Variants in FBLN7 observed in about 807,000 individuals in gnomAD.
FBLN7 encodes the protein fibulin 7.
FBLN7 carries 31 observed loss-of-function variants against 44.0 expected under a neutral mutation model. The ratio of observed to expected loss-of-function variants is 0.70; its 90% CI spans 0.53 to 0.95. FBLN7 has a LOEUF of 0.95. Ranked by LOEUF, FBLN7 falls within the 40% of genes least tolerant of loss-of-function variation. The probability of loss-of-function intolerance (pLI) is 0.00; values close to 1 mark genes in which losing one functional copy is unlikely to be tolerated. For missense variants in FBLN7, 573 were observed against 618.5 expected, an observed-to-expected ratio of 0.93 and a Z score of 0.78; for synonymous variants, 262 against 253.4, an observed-to-expected ratio of 1.03 and a Z score of -0.32.
chr2:112,194,277 A>C, the FBLN7 span, among the ~76,000 whole-genome samples: 1 of 152,206 alleles, frequency 6.6e-6, no homozygotes, highest in African/African-American at 2.4e-5. Flanking sequence ...AAACACTTAG[A>C]GATTTTCATA....
chr2:112,218,427 T>A, the FBLN7 span, among the ~76,000 whole-genome samples: 17 of 152,316 alleles, frequency 1.1e-4, no homozygotes, highest in African/African-American at 3.8e-4. Context: ...TATTTTATCA[T>A]GTTAAAAAAG....
chr2:112,150,497 C>G (rs1573769640), intron 1 of FBLN7, among the ~76,000 whole-genome samples: 1 of 152,286 alleles, frequency 6.6e-6, no homozygotes, highest in East Asian at 1.9e-4. Context: ...TAGGCCTTTT[C>G]TCTGATTGCA....
At position 112,187,741 on chromosome 2, in the gene FBLN7, G is replaced by T; in HGVS notation, c.*235G>T. On this transcript the variant is annotated 3_prime_UTR_variant, in exon 8 of 8. Transcript: ENST00000331203. The surrounding 1 kb of genome is among the most constrained non-coding windows in gnomAD (Gnocchi z 5.1). ...TTTCTGCTTTGAGGCCCTTCCCTTA[G>T]ATTATGCACTAACTTTCTTAAAACT... 1 of 559,634 alleles carries T rather than the reference G, an allele frequency of 1.8e-6. No individual in the cohort carries two copies. The highest frequency in any genetic ancestry group is 2.9e-5 in the East Asian group (1 of 34,078). 34.7% of individuals were successfully genotyped at this position (559,634 alleles called of 1,614,324 possible).
chr2:112,161,139 C>T (rs1448820409), intron 2 of FBLN7, among the ~76,000 whole-genome samples: 2 of 152,158 alleles, frequency 1.3e-5, no homozygotes, highest in South Asian at 2.1e-4. Context: ...CAGAGATGGG[C>T]GGCTGGTTTT....
At chr2:112,226,589 C>CAGAAAAAAAA in the FBLN7 span, among the ~76,000 whole-genome samples, 1 of 74,226 alleles carries the variant, frequency 1.3e-5, no homozygotes, top group Non-Finnish European at 2.5e-5. Context: ...GACTCCATCT[C>CAGAAAAAAAA]AAAAAAAAAA....
At chr2:112,217,099 T>G in the FBLN7 span, among the ~76,000 whole-genome samples, 2 of 152,188 alleles carry the variant, frequency 1.3e-5, no homozygotes, top group Non-Finnish European at 2.9e-5. Context: ...CCAGGCGCGG[T>G]GGCTCACACC....
At chr2:112,151,027 A>ACAACTCTAGAGGACT (rs1195672703) in intron 1 of FBLN7, among the ~76,000 whole-genome samples, 6 of 152,178 alleles carry the variant, frequency 3.9e-5, no homozygotes, top group Non-Finnish European at 8.8e-5. Flanking sequence ...AAGTGGAAAG[A>ACAACTCTAGAGGACT]CAACTCTAGA....
the FBLN7 span, among the ~76,000 whole-genome samples, chr2:112,218,685 G>A: frequency 6.6e-6 from 1 of 152,184 alleles, no homozygotes; most frequent in African/African-American, 2.4e-5. Context: ...AACATAGAGA[G>A]AGAGAGAGTC....
chr2:112,160,718 ACGCG>A (rs1558879786), intron 2 of FBLN7, among the ~76,000 whole-genome samples: 1 of 139,872 alleles, frequency 7.1e-6, no homozygotes, highest in Non-Finnish European at 1.6e-5. Flanking sequence ...ACACACAAGC[ACGCG>A]CACACGCACG....
chr2:112,208,118 G>A, the FBLN7 span, among the ~76,000 whole-genome samples: 227 of 152,308 alleles, frequency 1.5e-3, 2 homozygotes, highest in East Asian at 0.033. Flanking sequence ...TAGTGGACTG[G>A]GCTGGAGGTG....
At chr2:112,237,175 G>A in the FBLN7 span, among the ~76,000 whole-genome samples, 4 of 152,202 alleles carry the variant, frequency 2.6e-5, no homozygotes, top group African/African-American at 9.7e-5. Flanking sequence ...CTGGGACTAA[G>A]GGACCAAAAA....
chr2:112,166,937 C>A (rs1682191390), intron 3 of FBLN7, among the ~76,000 whole-genome samples: 1 of 152,168 alleles, frequency 6.6e-6, no homozygotes, highest in Non-Finnish European at 1.5e-5. Context: ...TCCCGGCCAC[C>A]ACAAACAATG....
At chr2:112,236,097 C>G in the FBLN7 span, among the ~76,000 whole-genome samples, 1 of 151,974 alleles carries the variant, frequency 6.6e-6, no homozygotes, top group Non-Finnish European at 1.5e-5. Context: ...AACCCTGTCT[C>G]TACTAAAAAT....
the FBLN7 span, among the ~76,000 whole-genome samples, chr2:112,194,235 A>G: frequency 6.6e-6 from 1 of 152,236 alleles, no homozygotes; most frequent in Non-Finnish European, 1.5e-5. Flanking sequence ...TGTAGGACAC[A>G]GCAGACATTC....
chr2:112,210,013 G>T, the FBLN7 span, among the ~76,000 whole-genome samples: 1 of 151,796 alleles, frequency 6.6e-6, no homozygotes, highest in Non-Finnish European at 1.5e-5. Flanking sequence ...CCAGCACGGG[G>T]TGTCTGAGCC....
Position 112,159,670 on chromosome 2 carries a change from C to A in FBLN7, c.76-6C>A. ...GGGTGGTGGCGGCGATGTCTTCTCTCCGCAGAACTGTCTCAGCAAACAGCA... is the reference window on the plus strand; with the variant it reads ...GGGTGGTGGCGGCGATGTCTTCTCTACGCAGAACTGTCTCAGCAAACAGCA... On this transcript the variant is annotated splice_region_variant and splice_polypyrimidine_tract_variant and intron_variant, in intron 1 of 7. Coordinates refer to ENST00000331203, the MANE Select transcript of FBLN7 (RefSeq NM_153214.3). 1.3e-6 allele frequency: 2 copies of A among 1,538,532 alleles called. No homozygotes were observed. The highest frequency in any genetic ancestry group is 2.5e-5 in the East Asian group (1 of 39,328).
the FBLN7 span, chr2:112,231,875 G>T: frequency 6.3e-7 from 1 of 1,593,828 alleles, no homozygotes; most frequent in Non-Finnish European, 8.6e-7. Context: ...AGTCAGTGGA[G>T]CATGAGAAAA....
the FBLN7 span, chr2:112,214,835 T>C: frequency 6.6e-6 from 1 of 152,208 alleles, no homozygotes; most frequent in African/African-American, 2.4e-5. Flanking sequence ...GACACATTCA[T>C]GAGAATCTCT....
the FBLN7 span, among the ~76,000 whole-genome samples, chr2:112,207,833 CTTTT>C: frequency 3.9e-5 from 6 of 152,208 alleles, no homozygotes; most frequent in Non-Finnish European, 4.4e-5. Context: ...CTCCATCTTT[CTTTT>C]GTTTAATGTT....
Sources: gnomAD v4.1 joint callset for allele counts (sites outside exome capture counted in the v4.1 genomes callset) on GRCh38, gnomAD v4.1.1 for gene constraint, Gnocchi (gnomAD v3.1) non-coding constraint, MANE v1.5 for transcripts, NCBI Gene and HGNC (gene_info 2026-07-23, HGNC 2026-07-21) for gene names.